Variants in ZNF566 observed in about 807,000 individuals in gnomAD.
ZNF566 encodes zinc finger protein 566.
Under a neutral mutation model 32.8 loss-of-function variants are expected in ZNF566, and 27 were observed. The ratio of observed to expected loss-of-function variants is 0.82; its 90% CI spans 0.61 to 1.14. The LOEUF is 1.14. ZNF566 is among the 50% of genes most tolerant of loss of function. The probability of loss-of-function intolerance (pLI) is 0.00; values close to 1 mark genes in which losing one functional copy is unlikely to be tolerated. For missense variants in ZNF566, 402 were observed against 490.4 expected (o/e 0.82, Z 1.70); for synonymous variants, 154 against 159.5 (o/e 0.97, Z 0.26).
At chr19:36,452,995 G>A (rs772919034) in intron 4 of ZNF566, among the ~76,000 whole-genome samples, 6 of 151,760 alleles carry the variant, frequency 4.0e-5, no homozygotes, top group Non-Finnish European at 5.9e-5. Flanking sequence ...GCGTGTGCCT[G>A]TAATCCCAGC....
intron 4 of ZNF566, among the ~76,000 whole-genome samples, chr19:36,466,317 G>A (rs1386066648): frequency 4.0e-5 from 6 of 151,076 alleles, no homozygotes; most frequent in African/African-American, 1.5e-4. Context: ...GGAGGGGTGA[G>A]GACAGTTGAG....
At chr19:36,480,798 G>A (rs1414619634) in intron 1 of ZNF566, among the ~76,000 whole-genome samples, 2 of 151,884 alleles carry the variant, frequency 1.3e-5, no homozygotes, top group Non-Finnish European at 2.9e-5. Flanking sequence ...GGGAGGCCAA[G>A]GCCCACCAAG....
Position 36,448,239 on chromosome 19 carries a change from T to C in ZNF566, c.*738A>G, listed in dbSNP as rs1449269805. ...ACACATTACTTCTGCAATTAAAAGA[T>C]ATGATACAAAGATGTGCTTAGGGAG... On this transcript the variant is annotated 3_prime_UTR_variant, in exon 5 of 5. Transcript: ENST00000452939. The C allele has an allele frequency of 6.6e-6, 1 of 152,178 alleles. No homozygotes were observed. Among genetic ancestry groups the C allele is most frequent in the Non-Finnish European group, 1.5e-5 (1 of 68,010 alleles). 9.4% of individuals were successfully genotyped at this position (152,178 alleles called of 1,614,324 possible). A position where few individuals can be genotyped will look rare whatever the true frequency, so the allele number is the denominator to read the frequency against.
At chr19:36,476,694 T>C in intron 1 of ZNF566, 78 bp from the exon 2 acceptor site, 1 of 1,211,008 alleles carries the variant, frequency 8.3e-7, no homozygotes, top group Non-Finnish European at 1.1e-6. Flanking sequence ...TTTCCTTCTG[T>C]TCATGCTTCA....
chr19:36,466,056 A>G (rs1457263064), intron 4 of ZNF566, among the ~76,000 whole-genome samples: 1 of 151,026 alleles, frequency 6.6e-6, no homozygotes, highest in Non-Finnish European at 1.5e-5. Context: ...CTATCACTGA[A>G]AAAAAAAAGA....
chr19:36,456,065 G>A (rs1214688154), intron 4 of ZNF566, among the ~76,000 whole-genome samples: 2 of 151,714 alleles, frequency 1.3e-5, no homozygotes, highest in Non-Finnish European at 2.9e-5. Flanking sequence ...AGTAATAAAT[G>A]TATGTGTATT....
chr19:36,460,131 A>G (rs2145656384), intron 4 of ZNF566, among the ~76,000 whole-genome samples: 1 of 152,218 alleles, frequency 6.6e-6, no homozygotes, highest in South Asian at 2.1e-4. Flanking sequence ...AGAAAGACCT[A>G]GGGTCTCATA....
At chr19:36,480,846 C>T (rs2034011054) in intron 1 of ZNF566, among the ~76,000 whole-genome samples, 1 of 151,506 alleles carries the variant, frequency 6.6e-6, no homozygotes, top group South Asian at 2.1e-4. Context: ...TCGAGACCAG[C>T]CTGGCCAACA....
chr19:36,480,576 T>G (rs1211696316), intron 1 of ZNF566, among the ~76,000 whole-genome samples: 1 of 132,782 alleles, frequency 7.5e-6, no homozygotes, highest in Non-Finnish European at 1.7e-5. Context: ...TGAGCCACCT[T>G]GCCCAGCCTC....
chr19:36,473,776 C>T (rs1215872737), intron 2 of ZNF566, among the ~76,000 whole-genome samples: 1 of 152,152 alleles, frequency 6.6e-6, no homozygotes, highest in Non-Finnish European at 1.5e-5. Flanking sequence ...TCACACTATA[C>T]CTGTCATATA....
chr19:36,462,956 C>CAAAAAAAAAAAAAAAAAAA (rs755283751), intron 4 of ZNF566, among the ~76,000 whole-genome samples: 3 of 38,562 alleles, frequency 7.8e-5, no homozygotes, highest in Admixed American at 5.0e-4. Flanking sequence ...GACTCTGTCT[C>CAAAAAAAAAAAAAAAAAAA]AAAAAAAAAA....
intron 4 of ZNF566, among the ~76,000 whole-genome samples, chr19:36,455,987 C>T (rs138396741): frequency 0.015 from 2,183 of 149,824 alleles, 23 homozygotes; most frequent in South Asian, 0.034. Flanking sequence ...TGCAGTGAGC[C>T]GAGATTGCAC....
intron 1 of ZNF566, among the ~76,000 whole-genome samples, chr19:36,481,816 C>G (rs1221510903): frequency 6.6e-6 from 1 of 152,118 alleles, no homozygotes. Flanking sequence ...CCTAAATATC[C>G]ATACGTAGGA....
chr19:36,466,850 C>A (rs1433424781), intron 4 of ZNF566, among the ~76,000 whole-genome samples: 1 of 151,954 alleles, frequency 6.6e-6, no homozygotes, highest in African/African-American at 2.4e-5. Flanking sequence ...AGGTGGATCA[C>A]AAGGTCAGGA....
intron 4 of ZNF566, among the ~76,000 whole-genome samples, chr19:36,459,953 T>C (rs2033420355): frequency 6.6e-6 from 1 of 151,350 alleles, no homozygotes; most frequent in Admixed American, 6.6e-5. Flanking sequence ...CCCAAGTAGC[T>C]GAGATCATAC....
intron 1 of ZNF566, among the ~76,000 whole-genome samples, chr19:36,477,555 T>TTTTTTTTTTC: frequency 7.3e-6 from 1 of 136,788 alleles, no homozygotes; most frequent in Non-Finnish European, 1.6e-5. Flanking sequence ...GTTTGTTTTT[T>TTTTTTTTTTC]TGAGACGGAG....
chr19:36,475,424 G>A (rs1332647554), intron 2 of ZNF566, among the ~76,000 whole-genome samples: 1 of 152,072 alleles, frequency 6.6e-6, no homozygotes, highest in East Asian at 1.9e-4. Context: ...TAAAAGGCTC[G>A]TTAACCAGGA....
At position 36,448,519 on chromosome 19, in the gene ZNF566, G is replaced by T. The variant is rs1412960701; in HGVS notation, c.*458C>A. 2.0e-5 allele frequency: 3 copies of T among 152,302 alleles called. No individual in the cohort carries two copies. In the East Asian group the frequency reaches 5.8e-4, roughly 29 times the overall value. The allele number at this position is 152,302 out of a possible 1,614,324, so 9.4% of individuals were successfully genotyped here. On this transcript the variant is annotated 3_prime_UTR_variant, in exon 5 of 5. Transcript: ENST00000452939. ...AGGTCACTTCTCCCAGGTACTAAAG[G>T]TATTTTTAAAATAGTATACAAATCA...
Position 36,470,935 on chromosome 19 carries a change from G to A in ZNF566, c.232+1976C>T, listed in dbSNP as rs80297885. ...AAACAAAAACAAAAACATGGCCGGT[G>A]TGGTGGCTCACGCCTGTAATCCCAG... On this transcript the variant is annotated intron_variant, in intron 4 of 4. Transcript: ENST00000452939. Among the ~76,000 whole-genome samples, 168 of 151,682 alleles carry A rather than the reference G, an allele frequency of 1.1e-3. 3 individuals are homozygous for A. In the East Asian group the frequency reaches 0.02, roughly 18 times the overall value.
Sources: allele counts gnomAD v4.1 joint callset (sites outside exome capture counted in the v4.1 genomes callset), GRCh38; gene constraint gnomAD v4.1.1; transcripts MANE v1.5; gene names NCBI Gene and HGNC (gene_info 2026-07-23, HGNC 2026-07-21).